The following JARID2 variants were observed in gnomAD, a reference collection of about 807,000 sequenced individuals.
The protein encoded by JARID2 is protein Jumonji.
JARID2 carries 21 observed loss-of-function variants against 125.6 expected under a neutral mutation model. The observed-to-expected ratio is 0.17, with a 90% CI of 0.12 to 0.24. JARID2 has a LOEUF of 0.24. Ranked by LOEUF, JARID2 falls within the 10% of genes least tolerant of loss-of-function variation. JARID2 has a pLI of 1.00. For synonymous variants in JARID2, 736 were observed against 661.6 expected (o/e 1.11, Z -1.73); for missense variants, 1,303 against 1,639.6 (o/e 0.79, Z 3.55).
At chr6:15,428,398 C>T (rs1325875587) in intron 3 of JARID2, among the ~76,000 whole-genome samples, 1 of 152,070 alleles carries the variant, frequency 6.6e-6, no homozygotes, top group African/African-American at 2.4e-5. Flanking sequence ...TTAGGTATGT[C>T]TCCTAATGCT....
At chr6:15,323,139 G>T (rs76773839) in intron 1 of JARID2, among the ~76,000 whole-genome samples, 486 of 152,316 alleles carry the variant, frequency 3.2e-3, no homozygotes, top group African/African-American at 0.011. Context: ...TGCACTCTGT[G>T]GTACGAAACC....
chr6:15,259,797 A>G (rs1264139144), intron 1 of JARID2, among the ~76,000 whole-genome samples: 1 of 152,136 alleles, frequency 6.6e-6, no homozygotes, highest in Non-Finnish European at 1.5e-5. Flanking sequence ...TTATGTATTT[A>G]TGCCCCTCAT....
At chr6:15,256,903 T>C (rs187040364) in intron 1 of JARID2, among the ~76,000 whole-genome samples, 2 of 149,638 alleles carry the variant, frequency 1.3e-5, no homozygotes, top group Admixed American at 1.3e-4. Flanking sequence ...AGTTCAAGTT[T>C]GGTGGAGTAT....
At chr6:15,396,347 G>A (rs184451322) in intron 2 of JARID2, among the ~76,000 whole-genome samples, 5 of 152,208 alleles carry the variant, frequency 3.3e-5, no homozygotes, top group Admixed American at 6.5e-5. Context: ...CCTTATTTCC[G>A]TTTAACAGGT....
intron 12 of JARID2, 104 bp downstream of exon 12, chr6:15,508,558 T>A: frequency 1.4e-6 from 1 of 703,514 alleles, no homozygotes; most frequent in Non-Finnish European, 2.6e-6. Flanking sequence ...TCCACGTGCT[T>A]GAGAACTTGC....
At chr6:15,284,363 G>A (rs1025663299) in intron 1 of JARID2, among the ~76,000 whole-genome samples, 1 of 152,104 alleles carries the variant, frequency 6.6e-6, no homozygotes, top group African/African-American at 2.4e-5. Context: ...TACATTGATT[G>A]TTATGTCCAT....
intron 1 of JARID2, among the ~76,000 whole-genome samples, chr6:15,298,908 A>G (rs1761504384): frequency 6.7e-6 from 1 of 150,228 alleles, no homozygotes; most frequent in East Asian, 2.0e-4. Context: ...TTCTCTCAGT[A>G]AAGACCCAAA....
intron 6 of JARID2, among the ~76,000 whole-genome samples, chr6:15,487,914 T>C (rs1769960868): frequency 6.6e-6 from 1 of 150,996 alleles, no homozygotes; most frequent in Non-Finnish European, 1.5e-5. Context: ...GTTCTGTTAA[T>C]GGATGATCCT....
chr6:15,320,654 AT>A (rs1467107932), intron 1 of JARID2, among the ~76,000 whole-genome samples: 4 of 152,226 alleles, frequency 2.6e-5, no homozygotes, highest in African/African-American at 9.6e-5. Context: ...TTCTTATCTA[AT>A]CAGGGATCCT....
At position 15,375,514 on chromosome 6, in the gene JARID2, A is replaced by G. The variant is rs547178825; in HGVS notation, c.181+1262A>G. 2.6e-5 allele frequency among the ~76,000 whole-genome samples: 4 copies of G among 152,338 alleles called. No individual in the cohort carries two copies. In the South Asian group the frequency reaches 6.2e-4, roughly 24 times the overall value. On this transcript the variant is annotated intron_variant, in intron 2 of 17. Transcript: ENST00000341776. The stretch of plus-strand genomic sequence containing the variant: ...GAAAACAAAATAAGTTGTGGAATCT[A>G]TTGCCATAGAATCCAATTTAGACCC...
At position 15,496,803 on chromosome 6, in the gene JARID2, T is replaced by C. The variant is rs376569314; in HGVS notation, c.1578T>C (p.Ser526=). ...ACAGCGCCTCCTGTGAAAATCGTTC[T>C]ACCTCGCAACCGGAGTCCGTGCACA... The part of the protein sequence containing the change: ...KADSASCENR[S]TSQPESVHKP... The change falls in exon 7 of 18, where the codon TCT becomes TCC. Residue 526 remains serine (S), a synonymous_variant. Coordinates refer to ENST00000341776, the MANE Select transcript of JARID2 (RefSeq NM_004973.4). 1 of 1,608,818 alleles carries C rather than the reference T, an allele frequency of 6.2e-7. No homozygotes were observed. The highest frequency in any genetic ancestry group is 1.3e-5 in the African/African-American group (1 of 74,888).
At chr6:15,294,978 A>G (rs1761354363) in intron 1 of JARID2, among the ~76,000 whole-genome samples, 1 of 152,098 alleles carries the variant, frequency 6.6e-6, no homozygotes, top group African/African-American at 2.4e-5. Flanking sequence ...GAAAAAGGAA[A>G]CCTATAAATC....
At chr6:15,264,736 G>A (rs1458345988) in intron 1 of JARID2, among the ~76,000 whole-genome samples, 3 of 152,174 alleles carry the variant, frequency 2.0e-5, no homozygotes, top group African/African-American at 4.8e-5. Context: ...GTTCTGCCGG[G>A]CCGCTTTTAT....
intron 17 of JARID2, among the ~76,000 whole-genome samples, chr6:15,519,529 GT>G (rs1370296195): frequency 2.6e-5 from 4 of 152,178 alleles, no homozygotes; most frequent in Admixed American, 1.3e-4. Context: ...TCCCCATGTT[GT>G]TTTTAAAAAT....
chr6:15,279,737 G>C (rs1012594639), intron 1 of JARID2, among the ~76,000 whole-genome samples: 3 of 152,114 alleles, frequency 2.0e-5, no homozygotes, highest in African/African-American at 4.8e-5. Flanking sequence ...TGTTGTCATA[G>C]TTTTCTTTCT....
intron 2 of JARID2, 46 bp downstream of exon 2, chr6:15,374,298 G>T: frequency 6.3e-7 from 1 of 1,598,772 alleles, no homozygotes; most frequent in South Asian, 1.1e-5. Flanking sequence ...CAATATCTCT[G>T]GGCGTGGACT....
intron 4 of JARID2, among the ~76,000 whole-genome samples, chr6:15,466,325 T>A (rs1185934903): frequency 3.3e-5 from 5 of 152,226 alleles, no homozygotes; most frequent in Admixed American, 3.3e-4. Flanking sequence ...CCTGCTGTTT[T>A]TATACCAATC....
intron 2 of JARID2, among the ~76,000 whole-genome samples, chr6:15,380,161 G>A (rs958403917): frequency 1.6e-4 from 25 of 151,774 alleles, no homozygotes; most frequent in Admixed American, 9.2e-4. Flanking sequence ...TCAGTCTCCC[G>A]AGTAGCTGGG....
chr6:15,384,738 C>T (rs750135351), intron 2 of JARID2, among the ~76,000 whole-genome samples: 1 of 152,128 alleles, frequency 6.6e-6, no homozygotes, highest in Non-Finnish European at 1.5e-5. Flanking sequence ...GGACTTCAGG[C>T]ATGTGCCATC....
Sources: gnomAD v4.1 joint callset for allele counts (sites outside exome capture counted in the v4.1 genomes callset) on GRCh38, gnomAD v4.1.1 for gene constraint, MANE v1.5 for transcripts, NCBI Gene and HGNC (gene_info 2026-07-23, HGNC 2026-07-21) for gene names.